Variants in ANKFN1 observed in about 807,000 individuals in gnomAD.
ANKFN1 encodes the protein ankyrin repeat and fibronectin type-III domain-containing protein 1.
In ANKFN1, 74 loss-of-function variants were observed where a neutral mutation model predicts 108.7. The observed-to-expected ratio is 0.68, with a 90% CI of 0.56 to 0.83. ANKFN1 has a LOEUF of 0.83. Among genes scored for constraint, ANKFN1 ranks in the 40% least tolerant of loss-of-function variants. The probability of loss-of-function intolerance (pLI) is 0.00; values close to 1 mark genes in which losing one functional copy is unlikely to be tolerated. For missense variants in ANKFN1, 1,505 were observed against 1,382.3 expected (o/e 1.09, Z -1.41); for synonymous variants, 547 against 516.2 (o/e 1.06, Z -0.81).
intron 8 of ANKFN1, among the ~76,000 whole-genome samples, chr17:56,384,566 A>G (rs902809557): frequency 2.6e-5 from 4 of 152,372 alleles, no homozygotes; most frequent in Admixed American, 2.0e-4. Flanking sequence ...ATGACTGCAT[A>G]TCTAGAAAAC....
At chr17:56,269,063 C>T (rs959780903) in intron 3 of ANKFN1, among the ~76,000 whole-genome samples, 1 of 152,104 alleles carries the variant, frequency 6.6e-6, no homozygotes, top group African/African-American at 2.4e-5. Flanking sequence ...TGACCTGGGC[C>T]AGTTGTTTCC....
chr17:56,077,575 A>G (rs1162052070), intron 4 of ANKFN1, among the ~76,000 whole-genome samples: 1 of 152,000 alleles, frequency 6.6e-6, no homozygotes, highest in Admixed American at 6.6e-5. Context: ...TCTGGCTCCT[A>G]TTGTTTTCAC....
rs945989609 is a variant in ANKFN1 at position 56,482,701 on chromosome 17, G to A, written c.2260+177G>A. 1.5e-5 allele frequency: 9 copies of A among 603,906 alleles called. No homozygotes were observed. In the East Asian group the frequency reaches 2.6e-4, roughly 17 times the overall value. The allele number at this position is 603,906 out of a possible 1,614,324, so 37.4% of individuals were successfully genotyped here. A position where few individuals can be genotyped will look rare whatever the true frequency, so the allele number is the denominator to read the frequency against. On this transcript the variant is annotated intron_variant, in intron 18 of 20. Transcript: ENST00000682825. Reference sequence around the variant, plus strand: ...AGAAAAAGCAAAGCTCCAAGACTATGTGCCTGAGCAATAATTATTGAAACC... The same window carrying A: ...AGAAAAAGCAAAGCTCCAAGACTATATGCCTGAGCAATAATTATTGAAACC...
At chr17:56,293,992 C>T (rs2044439915) in intron 3 of ANKFN1, among the ~76,000 whole-genome samples, 1 of 152,172 alleles carries the variant, frequency 6.6e-6, no homozygotes, top group Admixed American at 6.5e-5. Flanking sequence ...ATTCTCTCCG[C>T]AAAGGAGGAA....
At chr17:56,164,723 C>CAGAGG (rs1161020099) in intron 1 of ANKFN1, among the ~76,000 whole-genome samples, 2 of 152,130 alleles carry the variant, frequency 1.3e-5, no homozygotes, top group Non-Finnish European at 2.9e-5. Context: ...ATTCTTGGGG[C>CAGAGG]CTCTTATCAT....
At chr17:56,493,631 A>G (rs565024055) in intron 19 of ANKFN1, among the ~76,000 whole-genome samples, 108 of 152,254 alleles carry the variant, frequency 7.1e-4, no homozygotes, top group African/African-American at 2.5e-3. Context: ...GTAGGGAGCT[A>G]CCCAAAGTTT....
At chr17:56,186,572 T>C (rs908744282) in intron 1 of ANKFN1, among the ~76,000 whole-genome samples, 2 of 152,218 alleles carry the variant, frequency 1.3e-5, no homozygotes, top group African/African-American at 2.4e-5. Context: ...AGCAAAAATC[T>C]CTAAGGTCAT....
intron 4 of ANKFN1, among the ~76,000 whole-genome samples, chr17:56,103,277 A>C (rs56725196): frequency 0.1 from 15,971 of 152,198 alleles, 1,647 homozygotes; most frequent in African/African-American, 0.27. Context: ...CATCCCTGGA[A>C]AGAACAAGAG....
At chr17:56,490,311 G>A (rs1384062918) in intron 18 of ANKFN1, among the ~76,000 whole-genome samples, 2 of 152,176 alleles carry the variant, frequency 1.3e-5, no homozygotes, top group Non-Finnish European at 2.9e-5. Flanking sequence ...CTTTGCTGAG[G>A]AGAAAACATT....
chr17:56,500,328 A>G (rs917988149), intron 20 of ANKFN1, among the ~76,000 whole-genome samples: 18 of 152,288 alleles, frequency 1.2e-4, no homozygotes, highest in African/African-American at 4.3e-4. Flanking sequence ...TAAAGTCAAA[A>G]CTTGGCAAGT....
chr17:56,138,851 A>G (rs1391409906), intron 4 of ANKFN1, among the ~76,000 whole-genome samples: 1 of 152,116 alleles, frequency 6.6e-6, no homozygotes, highest in African/African-American at 2.4e-5. Flanking sequence ...TTTTCTAGCA[A>G]TAATTATCTT....
chr17:56,514,522 C>T lies in ANKFN1; in HGVS notation c.*3253C>T, dbSNP rs2051860037. 2.0e-5 allele frequency among the ~76,000 whole-genome samples: 3 copies of T among 152,138 alleles called. No individual in the cohort carries two copies. Among genetic ancestry groups the T allele is most frequent in the Admixed American group, 1.3e-4 (2 of 15,278 alleles). The stretch of plus-strand genomic sequence containing the variant: ...AAGTATATGTTTGGCAACTACTTAA[C>T]AAAGCTAAAACATCCTCTTAATTGG... On this transcript the variant is annotated 3_prime_UTR_variant, in exon 21 of 21. Transcript: ENST00000682825.
At chr17:56,181,465 G>C (rs1350899823) in intron 1 of ANKFN1, among the ~76,000 whole-genome samples, 1 of 152,162 alleles carries the variant, frequency 6.6e-6, no homozygotes. Context: ...CTGTTTTACA[G>C]ATGATGAAAC....
At chr17:56,145,069 T>G (rs1908177368) in intron 4 of ANKFN1, among the ~76,000 whole-genome samples, 1 of 152,206 alleles carries the variant, frequency 6.6e-6, no homozygotes, top group Non-Finnish European at 1.5e-5. Flanking sequence ...AGGAGCTGAA[T>G]CGTTGCCTTG....
chr17:56,198,501 T>C (rs183763186), intron 1 of ANKFN1, among the ~76,000 whole-genome samples: 3 of 152,286 alleles, frequency 2.0e-5, no homozygotes, highest in Non-Finnish European at 1.5e-5. Context: ...CCTCCTGCCG[T>C]GTGGCCCCAT....
chr17:56,370,981 C>A (rs1225548496), intron 6 of ANKFN1, among the ~76,000 whole-genome samples: 2 of 151,594 alleles, frequency 1.3e-5, no homozygotes, highest in Non-Finnish European at 2.9e-5. Context: ...TGCGTTCATA[C>A]CCCATCATTG....
chr17:56,064,456 C>A (rs1416897117), intron 4 of ANKFN1, among the ~76,000 whole-genome samples: 1 of 152,200 alleles, frequency 6.6e-6, no homozygotes, highest in Non-Finnish European at 1.5e-5. Flanking sequence ...TGCAGGGAAG[C>A]CCTGCCCAGT....
chr17:56,137,382 T>A (rs970418483), intron 4 of ANKFN1, among the ~76,000 whole-genome samples: 2 of 152,144 alleles, frequency 1.3e-5, no homozygotes, highest in African/African-American at 4.8e-5. Context: ...GCTAAAGAAG[T>A]TTCTCATGAG....
chr17:56,415,411 G>A (rs911425892), intron 8 of ANKFN1, among the ~76,000 whole-genome samples: 2 of 152,166 alleles, frequency 1.3e-5, no homozygotes, highest in East Asian at 1.9e-4. Flanking sequence ...TAGCATTTCT[G>A]TATGCCATCA....
Sources: gnomAD v4.1 joint callset for allele counts (sites outside exome capture counted in the v4.1 genomes callset) on GRCh38, gnomAD v4.1.1 for gene constraint, MANE v1.5 for transcripts, NCBI Gene and HGNC (gene_info 2026-07-23, HGNC 2026-07-21) for gene names.